The following LRMDA variants were observed in gnomAD, a reference collection of about 807,000 sequenced individuals.
LRMDA encodes the protein leucine rich melanocyte differentiation associated.
LRMDA carries 18 observed loss-of-function variants against 29.8 expected under a neutral mutation model. That is an observed-to-expected ratio of 0.60 (90% CI 0.42 to 0.90). The LOEUF (loss-of-function observed/expected upper bound fraction) is 0.90, where lower values mean the gene tolerates loss of function less well. Among genes scored for constraint, LRMDA ranks in the 40% least tolerant of loss-of-function variants. LRMDA has a pLI of 0.00. For synonymous variants in LRMDA, 125 were observed against 109.4 expected, an observed-to-expected ratio of 1.14 and a Z score of -0.89; for missense variants, 273 against 273.9, an observed-to-expected ratio of 1.00 and a Z score of 0.02.
intron 2 of LRMDA, among the ~76,000 whole-genome samples, chr10:75,632,652 A>G (rs1386270916): frequency 3.3e-5 from 5 of 151,934 alleles, no homozygotes; most frequent in African/African-American, 1.2e-4. Context: ...TTTCCCTGAT[A>G]TGTGCCTTGT....
intron 2 of LRMDA, among the ~76,000 whole-genome samples, chr10:75,768,385 G>A (rs1843196348): frequency 6.6e-6 from 1 of 152,170 alleles, no homozygotes; most frequent in Non-Finnish European, 1.5e-5. Flanking sequence ...TACATCAGAT[G>A]GGTAATAATC....
chr10:75,799,080 A>G (rs867687792), intron 2 of LRMDA, among the ~76,000 whole-genome samples: 2 of 152,206 alleles, frequency 1.3e-5, no homozygotes, highest in Non-Finnish European at 2.9e-5. Flanking sequence ...CATCTACAGT[A>G]TCTGTACTGG....
intron 2 of LRMDA, among the ~76,000 whole-genome samples, chr10:75,688,355 C>T (rs1842107026): frequency 6.6e-6 from 1 of 152,188 alleles, no homozygotes; most frequent in East Asian, 1.9e-4. Flanking sequence ...TTTTAAACCT[C>T]ATGGGTGACT....
rs1000566089 is a variant in LRMDA, at chr10:76,171,379, C to A, written c.516+112596C>A. On this transcript the variant is annotated intron_variant, in intron 5 of 6. Coordinates refer to ENST00000611255, the MANE Select transcript of LRMDA (RefSeq NM_001305581.2). ...GTCTTGAACTCCTGAACTCAGTTGA[C>A]ACACCCGCCTTGGCCTCCCAAAGTG... Among the ~76,000 whole-genome samples the A allele has an allele frequency of 3.3e-5, 5 of 152,168 alleles. 1 individual carries two copies. Among genetic ancestry groups the A allele is most frequent in the Admixed American group, 2.0e-4 (3 of 15,286 alleles).
chr10:75,703,830 G>A (rs567140021), intron 2 of LRMDA, among the ~76,000 whole-genome samples: 1 of 152,340 alleles, frequency 6.6e-6, no homozygotes, highest in African/African-American at 2.4e-5. Context: ...TCGGCATGTG[G>A]AAATTGACTT....
intron 5 of LRMDA, among the ~76,000 whole-genome samples, chr10:76,205,483 T>C (rs1214303265): frequency 1.1e-4 from 17 of 152,146 alleles, no homozygotes; most frequent in Admixed American, 1.1e-3. Context: ...AAAGAGTTGC[T>C]CAGTGAGAAT....
rs2181442 is a variant in LRMDA at position 75,859,616 on chromosome 10, C to A, written c.132-176392C>A. 7.4e-3 allele frequency among the ~76,000 whole-genome samples: 321 copies of A among 43,342 alleles called. 2 individuals are homozygous for A. Among genetic ancestry groups the A allele is most frequent in the African/African-American group, 0.018 (249 of 13,472 alleles). The allele number at this position is 43,342 out of a possible 152,430, so 28.4% of individuals were successfully genotyped here. ...TTCAGGGCATACACACACACACACA[C>A]ACACACACACACACACACACACACA... On this transcript the variant is annotated intron_variant, in intron 2 of 6. Coordinates refer to ENST00000611255, the MANE Select transcript of LRMDA (RefSeq NM_001305581.2).
intron 2 of LRMDA, among the ~76,000 whole-genome samples, chr10:75,663,179 C>T (rs1841776879): frequency 6.6e-6 from 1 of 152,132 alleles, no homozygotes; most frequent in Admixed American, 6.5e-5. Flanking sequence ...GTAGAGGACT[C>T]TTAGGGCAGG....
At chr10:75,893,544 G>A (rs1420616172) in intron 2 of LRMDA, among the ~76,000 whole-genome samples, 2 of 152,222 alleles carry the variant, frequency 1.3e-5, no homozygotes, top group Non-Finnish European at 2.9e-5. Context: ...TCCTGAGGAT[G>A]TGTGAACCTT....
At chr10:75,632,676 T>C (rs1377684742) in intron 2 of LRMDA, among the ~76,000 whole-genome samples, 2 of 151,978 alleles carry the variant, frequency 1.3e-5, no homozygotes, top group East Asian at 3.9e-4. Flanking sequence ...GAGGGAACCA[T>C]GCTGACTTTG....
chr10:75,512,325 C>A (rs911535441), intron 2 of LRMDA, among the ~76,000 whole-genome samples: 1 of 151,682 alleles, frequency 6.6e-6, no homozygotes, highest in African/African-American at 2.4e-5. Flanking sequence ...CACAGCTAAT[C>A]GTTTTCTCCC....
At chr10:76,186,958 A>C (rs1363070666) in intron 5 of LRMDA, among the ~76,000 whole-genome samples, 1 of 152,132 alleles carries the variant, frequency 6.6e-6, no homozygotes, top group Non-Finnish European at 1.5e-5. Flanking sequence ...TGTTAGTTTT[A>C]ATTTCTTCAA....
chr10:76,007,431 A>AC, intron 2 of LRMDA, among the ~76,000 whole-genome samples: 1 of 151,852 alleles, frequency 6.6e-6, no homozygotes, highest in South Asian at 2.1e-4. Flanking sequence ...CTACAGGGTC[A>AC]CCCCCCAACC....
At chr10:75,776,039 G>A (rs1053234679) in intron 2 of LRMDA, among the ~76,000 whole-genome samples, 2 of 152,086 alleles carry the variant, frequency 1.3e-5, no homozygotes, top group Non-Finnish European at 2.9e-5. Flanking sequence ...TTTAATATCT[G>A]CCTCTTTCCC....
intron 2 of LRMDA, among the ~76,000 whole-genome samples, chr10:75,840,703 C>T (rs1298620686): frequency 3.9e-5 from 6 of 152,226 alleles, no homozygotes; most frequent in Non-Finnish European, 5.9e-5. Flanking sequence ...ATTGCTTTAT[C>T]TTGCTATTAA....
chr10:76,187,983 A>G (rs1259697542), intron 5 of LRMDA, among the ~76,000 whole-genome samples: 5 of 152,126 alleles, frequency 3.3e-5, no homozygotes, highest in Non-Finnish European at 5.9e-5. Flanking sequence ...GTTAATGGCA[A>G]TTGAAGTAGC....
chr10:75,853,289 A>C (rs1021590094), intron 2 of LRMDA, among the ~76,000 whole-genome samples: 1 of 152,188 alleles, frequency 6.6e-6, no homozygotes, highest in African/African-American at 2.4e-5. Flanking sequence ...CAATTCCCCT[A>C]GTGGCCAGTA....
At chr10:76,138,383 A>G (rs542969987) in intron 5 of LRMDA, among the ~76,000 whole-genome samples, 1 of 152,228 alleles carries the variant, frequency 6.6e-6, no homozygotes, top group African/African-American at 2.4e-5. Context: ...CTGCAAAACA[A>G]TGCCATTTAA....
At chr10:75,868,512 A>G (rs557594587) in intron 2 of LRMDA, among the ~76,000 whole-genome samples, 21 of 152,342 alleles carry the variant, frequency 1.4e-4, no homozygotes, top group African/African-American at 5.0e-4. Flanking sequence ...TGCTTCACCA[A>G]TGCAGACTCT....
Sources: allele counts gnomAD v4.1 joint callset (sites outside exome capture counted in the v4.1 genomes callset), GRCh38; gene constraint gnomAD v4.1.1; transcripts MANE v1.5; gene names NCBI Gene and HGNC (gene_info 2026-07-23, HGNC 2026-07-21).